SPATS2L: variants seen among roughly 807,000 people sequenced by gnomAD.
SPATS2L encodes SPATS2-like protein.
Under a neutral mutation model 59.6 loss-of-function variants are expected in SPATS2L, and 30 were observed. The ratio of observed to expected loss-of-function variants is 0.50; its 90% CI spans 0.38 to 0.68. The LOEUF is 0.68. Among genes scored for constraint, SPATS2L ranks in the 30% least tolerant of loss-of-function variants. The probability of loss-of-function intolerance (pLI) is 0.00; values close to 1 mark genes in which losing one functional copy is unlikely to be tolerated. For missense variants in SPATS2L, 615 were observed against 700.0 expected (o/e 0.88, Z 1.37); for synonymous variants, 252 against 263.5 (o/e 0.96, Z 0.42).
At chr2:200,329,518 C>T (rs928024748) in intron 2 of SPATS2L, 38 bp downstream of exon 2, 19 of 1,529,436 alleles carry the variant, frequency 1.2e-5, no homozygotes, top group Middle Eastern at 1.7e-4. Context: ...GTGACCTCCT[C>T]CTGCTGCCAT....
chr2:200,478,767 T>C lies in SPATS2L; in HGVS notation c.*736T>C, dbSNP rs978610069. 2.6e-5 allele frequency: 4 copies of C among 152,370 alleles called. No homozygotes were observed. The East Asian group carries it at 7.7e-4, about 29-fold the overall frequency. The allele number at this position is 152,370 out of a possible 1,614,324, so 9.4% of individuals were successfully genotyped here. A position where few individuals can be genotyped will look rare whatever the true frequency, so the allele number is the denominator to read the frequency against. ...GACACACCATGTGGCAGTTGGGCAG[T>C]TGGAAACATTGGTTGCAAGTACTAC... On this transcript the variant is annotated 3_prime_UTR_variant, in exon 13 of 13. Coordinates refer to ENST00000409140, the MANE Select transcript of SPATS2L (RefSeq NM_001100423.2).
intron 2 of SPATS2L, among the ~76,000 whole-genome samples, chr2:200,342,210 C>T (rs1274279801): frequency 2.6e-5 from 4 of 152,068 alleles, no homozygotes; most frequent in African/African-American, 9.7e-5. Context: ...AGCACAGGGC[C>T]CTGAAACACA....
At chr2:200,359,348 T>C (rs2081023739) in intron 2 of SPATS2L, among the ~76,000 whole-genome samples, 2 of 152,198 alleles carry the variant, frequency 1.3e-5, no homozygotes, top group African/African-American at 4.8e-5. Context: ...AAATCCAGTT[T>C]TTTTTCCATC....
intron 3 of SPATS2L, chr2:200,390,429 C>T (rs143435210): frequency 1.4e-3 from 220 of 152,308 alleles, no homozygotes; most frequent in Non-Finnish European, 2.6e-3. Context: ...AACAGCAGGG[C>T]GGTGTGATGA....
chr2:200,320,158 T>C (rs1379083584), intron 1 of SPATS2L, among the ~76,000 whole-genome samples: 2 of 152,110 alleles, frequency 1.3e-5, no homozygotes, highest in African/African-American at 4.8e-5. Flanking sequence ...TCCAAGAGCA[T>C]AGAGTCAGGG....
intron 1 of SPATS2L, among the ~76,000 whole-genome samples, chr2:200,313,999 C>T (rs770362738): frequency 4.6e-5 from 7 of 152,234 alleles, no homozygotes; most frequent in African/African-American, 7.2e-5. Flanking sequence ...GCCTCCCCTA[C>T]AGTTCAGCCC....
intron 3 of SPATS2L, among the ~76,000 whole-genome samples, chr2:200,392,232 C>G (rs1487482103): frequency 2.0e-5 from 3 of 152,074 alleles, no homozygotes; most frequent in Non-Finnish European, 2.9e-5. Flanking sequence ...GTCCTACCCA[C>G]CAAACTGGCA....
chr2:200,335,145 G>A (rs2080098663), intron 2 of SPATS2L, among the ~76,000 whole-genome samples: 1 of 152,166 alleles, frequency 6.6e-6, no homozygotes, highest in Admixed American at 6.5e-5. Flanking sequence ...CTACCCATGA[G>A]CATAGCAGTC....
At chr2:200,442,801 G>A (rs1328445087) in intron 8 of SPATS2L, among the ~76,000 whole-genome samples, 2 of 152,188 alleles carry the variant, frequency 1.3e-5, no homozygotes, top group Non-Finnish European at 2.9e-5. Flanking sequence ...AGAGCTGAAA[G>A]CGTGGGGCCA....
intron 11 of SPATS2L, among the ~76,000 whole-genome samples, chr2:200,470,764 G>T (rs1164630662): frequency 2.6e-5 from 4 of 152,124 alleles, no homozygotes; most frequent in Non-Finnish European, 5.9e-5. Flanking sequence ...GTACTACACT[G>T]CATACATATA....
chr2:200,318,272 A>C (rs769851375), intron 1 of SPATS2L, among the ~76,000 whole-genome samples: 19 of 151,978 alleles, frequency 1.3e-4, no homozygotes, highest in Non-Finnish European at 1.6e-4. Flanking sequence ...TTTCTCGTTT[A>C]TTTCTCCTGT....
intron 2 of SPATS2L, among the ~76,000 whole-genome samples, chr2:200,379,153 C>G (rs2081708791): frequency 6.6e-6 from 1 of 152,150 alleles, no homozygotes; most frequent in Non-Finnish European, 1.5e-5. Context: ...ACATATCTGT[C>G]TTCATCATTG....
chr2:200,378,300 G>T (rs962446684), intron 2 of SPATS2L: 2 of 1,002,408 alleles, frequency 2.0e-6, no homozygotes, highest in Non-Finnish European at 2.4e-6. Flanking sequence ...GAGCTTATGT[G>T]CCTCCTGAGA....
chr2:200,326,955 C>T (rs1388107647), intron 1 of SPATS2L, among the ~76,000 whole-genome samples: 2 of 146,088 alleles, frequency 1.4e-5, no homozygotes, highest in African/African-American at 2.5e-5. Context: ...CCATGTTGGC[C>T]AGGCTGGTCA....
intron 9 of SPATS2L, among the ~76,000 whole-genome samples, chr2:200,460,608 G>A (rs774671235): frequency 6.6e-6 from 1 of 151,446 alleles, no homozygotes; most frequent in African/African-American, 2.4e-5. Flanking sequence ...AAAATTAGCC[G>A]GGCGTAGTGG....
At chr2:200,386,734 A>G (rs781716220) in intron 2 of SPATS2L, among the ~76,000 whole-genome samples, 4 of 152,222 alleles carry the variant, frequency 2.6e-5, no homozygotes, top group African/African-American at 7.2e-5. Context: ...AATGAAAGTC[A>G]TTGTGGCTCA....
At chr2:200,420,077 G>A (rs1489937848) in intron 6 of SPATS2L, among the ~76,000 whole-genome samples, 1 of 152,016 alleles carries the variant, frequency 6.6e-6, no homozygotes, top group Non-Finnish European at 1.5e-5. Flanking sequence ...ATCTTCCAGG[G>A]TGTTAGAATC....
At chr2:200,415,542 T>A (rs1031693584) in intron 4 of SPATS2L, among the ~76,000 whole-genome samples, 2 of 152,190 alleles carry the variant, frequency 1.3e-5, no homozygotes, top group Non-Finnish European at 2.9e-5. Context: ...TCATTACCAA[T>A]AACTTGTTAT....
intron 1 of SPATS2L, among the ~76,000 whole-genome samples, chr2:200,310,733 C>T (rs2079167079): frequency 6.6e-6 from 1 of 152,250 alleles, no homozygotes; most frequent in African/African-American, 2.4e-5. Flanking sequence ...TTCTTTCCAA[C>T]ATGAACCTTC....
Sources: allele counts gnomAD v4.1 joint callset (sites outside exome capture counted in the v4.1 genomes callset), GRCh38; gene constraint gnomAD v4.1.1; transcripts MANE v1.5; gene names NCBI Gene and HGNC (gene_info 2026-07-23, HGNC 2026-07-21).